The following AFAP1 variants were observed in gnomAD, a reference collection of about 807,000 sequenced individuals.
The protein encoded by AFAP1 is actin filament associated protein 1.
In AFAP1, 75 loss-of-function variants were observed where a neutral mutation model predicts 93.9. That is an observed-to-expected ratio of 0.80 (90% confidence interval 0.66 to 0.97). The LOEUF (loss-of-function observed/expected upper bound fraction) is 0.97, where lower values mean the gene tolerates loss of function less well. Ranked by LOEUF, AFAP1 falls within the 50% of genes least tolerant of loss-of-function variation. AFAP1 has a pLI of 0.00. For missense variants in AFAP1, 1,201 were observed against 1,050.8 expected, an observed-to-expected ratio of 1.14 and a Z score of -1.98; for synonymous variants, 517 against 430.7, an observed-to-expected ratio of 1.20 and a Z score of -2.48.
intron 16 of AFAP1, among the ~76,000 whole-genome samples, chr4:7,771,952 G>GA (rs1310181760): frequency 6.6e-6 from 1 of 152,280 alleles, no homozygotes; most frequent in East Asian, 1.9e-4. Flanking sequence ...GCAAGTGACT[G>GA]AAACTCAGGG....
chr4:7,824,175 G>C (rs533883760), intron 6 of AFAP1, among the ~76,000 whole-genome samples: 5 of 152,296 alleles, frequency 3.3e-5, no homozygotes, highest in African/African-American at 1.2e-4. Flanking sequence ...TCTACTTGAA[G>C]AGCCATGTCC....
intron 1 of AFAP1, among the ~76,000 whole-genome samples, chr4:7,932,112 C>A (rs1721103959): frequency 6.6e-6 from 1 of 152,058 alleles, no homozygotes; most frequent in Admixed American, 6.6e-5. Context: ...CCCTCCTAGG[C>A]CTCCCAAAGT....
chr4:7,843,293 T>C lies in AFAP1; in HGVS notation c.392A>G (p.Asp131Gly). Residue 131 changes from aspartate to glycine, a missense_variant, in exon 5 of 18, where the codon GAT (aspartate) becomes GGT (glycine). Physicochemically the swap from Asp to Gly is moderately conservative, Grantham distance 94. Transcript: ENST00000420658. Reference sequence around the variant, plus strand: ...GTGCCGGGTTTTCTTCCCCTTCCCATCCTCCTCCTCTTCATCATACGACTC... The same window carrying C: ...GTGCCGGGTTTTCTTCCCCTTCCCACCCTCCTCCTCTTCATCATACGACTC... ...SYESYDEEEE[D>G]GKGKKTRHQW... 6.2e-7 allele frequency: 1 copy of C among 1,613,966 alleles called. No homozygotes were observed. Among genetic ancestry groups the C allele is most frequent in the Non-Finnish European group, 8.5e-7 (1 of 1,179,980 alleles).
intron 15 of AFAP1, chr4:7,773,227 C>A: frequency 1.5e-6 from 1 of 686,162 alleles, no homozygotes; most frequent in Non-Finnish European, 2.3e-6. Flanking sequence ...AGGACTCGGA[C>A]CAGGAAAGAG....
intron 3 of AFAP1, chr4:7,862,082 C>G (rs1397141009): frequency 6.6e-6 from 1 of 152,166 alleles, no homozygotes; most frequent in Non-Finnish European, 1.5e-5. Context: ...TCTGTAGTCC[C>G]CGCTACTCAG....
chr4:7,866,780 T>C (rs1716448374), intron 3 of AFAP1, among the ~76,000 whole-genome samples: 1 of 151,662 alleles, frequency 6.6e-6, no homozygotes, highest in Non-Finnish European at 1.5e-5. Flanking sequence ...GTCACACCTG[T>C]AATCCTAGCA....
Position 7,759,400 on chromosome 4 carries a change from C to T in AFAP1, c.*4365G>A, listed in dbSNP as rs1233733616. ...CCACCACTTCCTGGGTGCAGTTTCC[C>T]TTCTTTTACAGACGCCCTGCTATGG... On this transcript the variant is annotated 3_prime_UTR_variant, in exon 18 of 18. Transcript: ENST00000420658. 4 of 152,642 alleles carry T rather than the reference C, an allele frequency of 2.6e-5. No individual in the cohort carries two copies. In the South Asian group the frequency reaches 6.2e-4, roughly 24 times the overall value. 9.5% of individuals were successfully genotyped at this position (152,642 alleles called of 1,614,324 possible).
intron 10 of AFAP1, 98 bp downstream of exon 10, chr4:7,800,342 GAT>G: frequency 4.0e-6 from 5 of 1,263,772 alleles, no homozygotes; most frequent in Non-Finnish European, 5.6e-6. Context: ...CTGTCAGCGA[GAT>G]GGGAGGAATT....
intron 10 of AFAP1, among the ~76,000 whole-genome samples, chr4:7,800,120 T>A (rs1233068133): frequency 1.3e-5 from 2 of 152,202 alleles, no homozygotes; most frequent in Admixed American, 1.3e-4. Flanking sequence ...AGCAATGTAC[T>A]CTATGGGATT....
At chr4:7,774,977 A>G in intron 14 of AFAP1, 74 bp from the exon 15 acceptor site, 1 of 1,533,312 alleles carries the variant, frequency 6.5e-7, no homozygotes, top group South Asian at 1.2e-5. Context: ...TCCCTTCTCC[A>G]CAAAAAATAC....
At chr4:7,893,355 C>T (rs979994419) in intron 1 of AFAP1, among the ~76,000 whole-genome samples, 6 of 152,172 alleles carry the variant, frequency 3.9e-5, no homozygotes, top group African/African-American at 1.4e-4. Context: ...CCGAGGCGGG[C>T]GGATCACGAC....
At chr4:7,772,277 A>T (rs1232345811) in intron 16 of AFAP1, 1 of 152,450 alleles carries the variant, frequency 6.6e-6, no homozygotes, top group Non-Finnish European at 1.5e-5. Flanking sequence ...AAGACAGGAG[A>T]CTCAACAGAA....
intron 7 of AFAP1, among the ~76,000 whole-genome samples, chr4:7,816,472 T>C (rs377758487): frequency 2.0e-5 from 3 of 152,376 alleles, no homozygotes; most frequent in South Asian, 2.1e-4. Context: ...AAATATTCCA[T>C]AGTCCATTTA....
At chr4:7,764,133 A>G (rs1229047286) in intron 17 of AFAP1, among the ~76,000 whole-genome samples, 2 of 152,246 alleles carry the variant, frequency 1.3e-5, no homozygotes, top group Non-Finnish European at 2.9e-5. Context: ...GGGCCTTCTG[A>G]CACACGCTGC....
At chr4:7,886,607 T>G (rs1177761425) in intron 1 of AFAP1, among the ~76,000 whole-genome samples, 1 of 152,206 alleles carries the variant, frequency 6.6e-6, no homozygotes, top group African/African-American at 2.4e-5. Flanking sequence ...CTTCGGGAAA[T>G]TAGCCTGACC....
chr4:7,841,815 G>A (rs1431970921), intron 5 of AFAP1, among the ~76,000 whole-genome samples: 4 of 151,348 alleles, frequency 2.6e-5, no homozygotes, highest in African/African-American at 9.7e-5. Flanking sequence ...TATCATCCTG[G>A]TTTTGAAGGG....
intron 13 of AFAP1, among the ~76,000 whole-genome samples, chr4:7,779,747 G>A (rs547349693): frequency 2.0e-5 from 3 of 152,090 alleles, no homozygotes; most frequent in South Asian, 2.1e-4. Flanking sequence ...AAAACATAAA[G>A]AGATACCTCC....
Position 7,815,905 on chromosome 4 carries a change from C to G in AFAP1, c.904+113G>C, listed in dbSNP as rs961250398. On this transcript the variant is annotated intron_variant, in intron 8 of 17. Coordinates refer to ENST00000420658, the MANE Select transcript of AFAP1 (RefSeq NM_001134647.2). ...TGCCATGATGACGATATCTACACAT[C>G]TGAATCACCCAGGACATTTTTCGTA... is the stretch of plus-strand genomic sequence containing the variant. 14 of 926,272 alleles carry G rather than the reference C, an allele frequency of 1.5e-5. No homozygotes were observed. The African/African-American group carries it at 2.3e-4, about 15-fold the overall frequency. The allele number at this position is 926,272 out of a possible 1,614,324, so 57.4% of individuals were successfully genotyped here.
At chr4:7,774,389 C>T (rs893061908) in intron 15 of AFAP1, 6 of 250,264 alleles carry the variant, frequency 2.4e-5, no homozygotes, top group African/African-American at 9.0e-5. Flanking sequence ...CCCTCCTACC[C>T]GGTGACCAGA....
Sources: gnomAD v4.1 joint callset for allele counts (sites outside exome capture counted in the v4.1 genomes callset) on GRCh38, gnomAD v4.1.1 for gene constraint, MANE v1.5 for transcripts, NCBI Gene and HGNC (gene_info 2026-07-23, HGNC 2026-07-21) for gene names.